SNRPD1: variants seen among roughly 807,000 people sequenced by gnomAD.
SNRPD1 encodes small nuclear ribonucleoprotein D1 polypeptide.
In SNRPD1, 1 loss-of-function variant was observed where a neutral mutation model predicts 14.4. The observed-to-expected ratio is 0.07, with a 90% CI of 0.02 to 0.33. The LOEUF is 0.33. Among genes scored for constraint, SNRPD1 ranks in the 10% least tolerant of loss-of-function variants. The probability of loss-of-function intolerance (pLI) is 1.00; values close to 1 mark genes in which losing one functional copy is unlikely to be tolerated. For synonymous variants in SNRPD1, 42 were observed against 50.3 expected (o/e 0.83, Z 0.70); for missense variants, 52 against 146.4 (o/e 0.36, Z 3.33).
At chr18:21,628,694 A>G (rs896548213) in intron 3 of SNRPD1, among the ~76,000 whole-genome samples, 1 of 152,190 alleles carries the variant, frequency 6.6e-6, no homozygotes, top group South Asian at 2.1e-4. Flanking sequence ...CAAGGTGATC[A>G]TGTTTTATTC....
In SNRPD1 at chr18:21,617,421, G is replaced by A. The variant is rs147798934; in HGVS notation, c.14+4978G>A. On this transcript the variant is annotated intron_variant, in intron 1 of 3. Coordinates refer to ENST00000300413, the MANE Select transcript of SNRPD1 (RefSeq NM_006938.4). ...CTTGTATTGTTTCATTGATCTATTT[G>A]TTGTTCCTTATGTCTCGATTACTGT... 1.1e-4 allele frequency among the ~76,000 whole-genome samples: 16 copies of A among 152,288 alleles called. No homozygotes were observed. In the East Asian group the frequency reaches 2.9e-3, roughly 28 times the overall value.
intron 1 of SNRPD1, among the ~76,000 whole-genome samples, chr18:21,614,176 G>A (rs2038941201): frequency 6.6e-6 from 1 of 151,994 alleles, no homozygotes; most frequent in South Asian, 2.1e-4. Flanking sequence ...AGGAGGCTGA[G>A]GTAAGAGGAT....
intron 2 of SNRPD1, among the ~76,000 whole-genome samples, 162 bp from the exon 3 acceptor site, chr18:21,623,586 C>T (rs1042175502): frequency 1.3e-5 from 2 of 152,186 alleles, no homozygotes; most frequent in Non-Finnish European, 2.9e-5. Flanking sequence ...TGACATTCCC[C>T]CATTTACCAG....
chr18:21,627,500 C>T (rs1426913369), intron 3 of SNRPD1, among the ~76,000 whole-genome samples: 6 of 138,270 alleles, frequency 4.3e-5, no homozygotes, highest in African/African-American at 1.1e-4. Flanking sequence ...AGTGCCATGG[C>T]GCGATCTCCA....
intron 1 of SNRPD1, among the ~76,000 whole-genome samples, chr18:21,614,820 T>A (rs2038945812): frequency 6.6e-6 from 1 of 152,194 alleles, no homozygotes; most frequent in Admixed American, 6.6e-5. Flanking sequence ...GAAAGATTCA[T>A]CTGAAAATAA....
Position 21,633,474 on chromosome 18 carries a change from TTAA to T in SNRPD1, c.*4338_*4340del, listed in dbSNP as rs1265426470. On this transcript the variant is annotated 3_prime_UTR_variant, in exon 4 of 4. Transcript: ENST00000300413. ...AAAGTATATCTGATACTGGCCTTTA[TTAA>T]TGTGAAATTCTTGTGGATCTGTGAA... 9.2e-5 allele frequency: 14 copies of T among 152,216 alleles called. No homozygotes were observed. Among genetic ancestry groups the T allele is most frequent in the African/African-American group, 3.1e-4 (13 of 41,462 alleles). The allele number at this position is 152,216 out of a possible 1,614,324, so 9.4% of individuals were successfully genotyped here.
chr18:21,618,096 C>A (rs1198174133), intron 1 of SNRPD1, among the ~76,000 whole-genome samples: 2 of 152,020 alleles, frequency 1.3e-5, no homozygotes, highest in East Asian at 3.9e-4. Context: ...ACCTGACTCC[C>A]CTCTCCACAT....
chr18:21,617,496 G>C (rs1196903794), intron 1 of SNRPD1, among the ~76,000 whole-genome samples: 1 of 152,142 alleles, frequency 6.6e-6, no homozygotes, highest in African/African-American at 2.4e-5. Context: ...TGTCTTCCTA[G>C]AGATTATACT....
chr18:21,622,929 A>AT (rs61664136), intron 2 of SNRPD1, 128 bp downstream of exon 2: 29,193 of 408,384 alleles, frequency 0.071, 4 homozygotes, highest in Non-Finnish European at 0.088. Flanking sequence ...GAATTATGTA[A>AT]TTTTTTTTTT....
intron 1 of SNRPD1, among the ~76,000 whole-genome samples, chr18:21,619,821 G>A (rs1186212960): frequency 1.3e-5 from 2 of 152,078 alleles, no homozygotes; most frequent in African/African-American, 2.4e-5. Context: ...GTCTTGCTCT[G>A]CCACACAGGC....
intron 1 of SNRPD1, among the ~76,000 whole-genome samples, chr18:21,621,044 T>C (rs1429787894): frequency 6.6e-6 from 1 of 151,694 alleles, no homozygotes; most frequent in Non-Finnish European, 1.5e-5. Flanking sequence ...GGCGAGCGCC[T>C]GTAATCCCAG....
At chr18:21,619,788 A>G (rs2038984176) in intron 1 of SNRPD1, among the ~76,000 whole-genome samples, 1 of 151,806 alleles carries the variant, frequency 6.6e-6, no homozygotes, top group Non-Finnish European at 1.5e-5. Context: ...TCAAAAAAAA[A>G]TAGAATTTTA....
At chr18:21,621,956 T>C (rs1481915253) in intron 1 of SNRPD1, among the ~76,000 whole-genome samples, 2 of 152,220 alleles carry the variant, frequency 1.3e-5, no homozygotes, top group Non-Finnish European at 2.9e-5. Flanking sequence ...CTACAAGTTA[T>C]AGACGTGAAT....
chr18:21,616,961 C>T (rs562897571), intron 1 of SNRPD1, among the ~76,000 whole-genome samples: 1 of 151,954 alleles, frequency 6.6e-6, no homozygotes, highest in African/African-American at 2.4e-5. Flanking sequence ...GCTGGGATTA[C>T]AGGCGTGAGC....
At chr18:21,621,278 G>A (rs1187547679) in intron 1 of SNRPD1, among the ~76,000 whole-genome samples, 1 of 152,136 alleles carries the variant, frequency 6.6e-6, no homozygotes, top group Admixed American at 6.6e-5. Flanking sequence ...TGTTGGTGAG[G>A]GTTTGCATAA....
intron 3 of SNRPD1, among the ~76,000 whole-genome samples, chr18:21,625,316 A>AATTTTTTTTTTTTT (rs771340999): frequency 4.6e-5 from 5 of 109,102 alleles, no homozygotes; most frequent in Non-Finnish European, 6.6e-5. Flanking sequence ...GTTGAAAAAA[A>AATTTTTTTTTTTTT]TTTTTTTTTT....
intron 1 of SNRPD1, 100 bp downstream of exon 1, chr18:21,612,543 C>G: frequency 3.2e-6 from 3 of 925,402 alleles, no homozygotes; most frequent in South Asian, 2.4e-5. Context: ...GGGAAAGCCG[C>G]GTGTGCGCGG....
intron 1 of SNRPD1, among the ~76,000 whole-genome samples, chr18:21,615,201 A>G (rs543573882): frequency 1.1e-4 from 16 of 152,332 alleles, no homozygotes; most frequent in African/African-American, 3.6e-4. Flanking sequence ...TTGGAATCAC[A>G]AAGTATTTTT....
rs2039060914 is a variant in SNRPD1, at chr18:21,629,059, C to T, written c.284-3C>T. 6.2e-7 allele frequency: 1 copy of T among 1,613,420 alleles called. No homozygotes were observed. Among genetic ancestry groups the T allele is most frequent in the Non-Finnish European group, 8.5e-7 (1 of 1,179,470 alleles). ...AACTTGGTTTGTTTTTCTTTTCCTT[C>T]AGTTGCAGGAAGAGGCAGAGGAAGA... On this transcript the variant is annotated splice_polypyrimidine_tract_variant and splice_region_variant and intron_variant, in intron 3 of 3. Transcript: ENST00000300413.
Sources: allele counts gnomAD v4.1 joint callset (sites outside exome capture counted in the v4.1 genomes callset), GRCh38; gene constraint gnomAD v4.1.1; transcripts MANE v1.5; gene names NCBI Gene and HGNC (gene_info 2026-07-23, HGNC 2026-07-21).